Variants in TMEM65 observed in about 807,000 individuals in gnomAD.
TMEM65 encodes transmembrane protein 65.
In TMEM65, 22 loss-of-function variants were observed where a neutral mutation model predicts 25.4. That is an observed-to-expected ratio of 0.86 (90% CI 0.62 to 1.23). TMEM65 has a LOEUF of 1.23. Among genes scored for constraint, TMEM65 ranks in the 50% most tolerant of loss-of-function variants. TMEM65 has a pLI of 0.00. For synonymous variants in TMEM65, 132 were observed against 126.2 expected (o/e 1.05, Z -0.31); for missense variants, 262 against 308.2 (o/e 0.85, Z 1.12).
chr8:124,307,201 A>G lies in TMEM65; in HGVS notation c.*6759T>C, dbSNP rs1428125927. ...CTCCACATGGGCAGTTCATCTCTCC[A>G]GTAAATTGTGTATCGTAGTAAAAAG... On this transcript the variant is annotated 3_prime_UTR_variant, in exon 7 of 7. Coordinates refer to ENST00000297632, the MANE Select transcript of TMEM65 (RefSeq NM_194291.3). 3 of 152,176 alleles carry G rather than the reference A, an allele frequency of 2.0e-5. No individual in the cohort carries two copies. Among genetic ancestry groups the G allele is most frequent in the Non-Finnish European group, 4.4e-5 (3 of 68,046 alleles). 9.4% of individuals were successfully genotyped at this position (152,176 alleles called of 1,614,324 possible).
At chr8:124,342,717 T>A (rs993843341) in intron 1 of TMEM65, among the ~76,000 whole-genome samples, 6 of 152,134 alleles carry the variant, frequency 3.9e-5, no homozygotes, top group African/African-American at 1.4e-4. Context: ...ACAGAAGAGA[T>A]AAAATGATCC....
intron 4 of TMEM65, among the ~76,000 whole-genome samples, chr8:124,322,990 G>A (rs908881828): frequency 2.1e-5 from 3 of 144,092 alleles, no homozygotes; most frequent in Non-Finnish European, 3.0e-5. Context: ...GTGAGACCCC[G>A]TCTCTAAATA....
chr8:124,349,079 T>C (rs1171822979), intron 1 of TMEM65, among the ~76,000 whole-genome samples: 5 of 152,220 alleles, frequency 3.3e-5, no homozygotes, highest in Admixed American at 3.3e-4. Context: ...TTAAGTGACT[T>C]ACTCAAAGAC....
intron 1 of TMEM65, among the ~76,000 whole-genome samples, chr8:124,363,315 T>C (rs73333912): frequency 7.9e-5 from 12 of 152,320 alleles, no homozygotes; most frequent in African/African-American, 2.4e-5. Flanking sequence ...TAGTCCAAAA[T>C]TGTATAAGCC....
chr8:124,372,000 C>A lies in TMEM65; in HGVS notation c.158G>T (p.Arg53Leu). The A allele has an allele frequency of 1.5e-6, 2 of 1,346,768 alleles. No homozygotes were observed. The highest frequency in any genetic ancestry group is 1.9e-6 in the Non-Finnish European group (2 of 1,045,104). 83.4% of individuals were successfully genotyped at this position (1,346,768 alleles called of 1,614,324 possible). A position where few individuals can be genotyped will look rare whatever the true frequency, so the allele number is the denominator to read the frequency against. The change falls in exon 1 of 7, where the codon CGG (arginine) becomes CTG (leucine). Residue 53 changes from arginine (R) to leucine (L), a missense_variant. Transcript: ENST00000297632. ...CTCCTTCTTGGGGTGCGTGCCCAGCCGCCTGGGGCCGCCCGGCAAGCCGCC... is the reference window on the plus strand; with the variant it reads ...CTCCTTCTTGGGGTGCGTGCCCAGCAGCCTGGGGCCGCCCGGCAAGCCGCC... The part of the protein sequence containing the change: ...PPGGLPGGPR[R>L]LGTHPKKEPM...
rs188471078 is a variant in TMEM65, at chr8:124,328,753, C to A, written c.350-1332G>T. On this transcript the variant is annotated intron_variant, in intron 2 of 6. Transcript: ENST00000297632. ...TTGTACTACGTCCAAAAAAATAATCCCTTAAACCAACTGGTTATATGTGTC... is the reference window on the plus strand; with the variant it reads ...TTGTACTACGTCCAAAAAAATAATCACTTAAACCAACTGGTTATATGTGTC... 1.1e-4 allele frequency among the ~76,000 whole-genome samples: 17 copies of A among 152,120 alleles called. No homozygotes were observed. The East Asian group carries it at 3.3e-3, about 29-fold the overall frequency.
intron 4 of TMEM65, among the ~76,000 whole-genome samples, chr8:124,322,704 A>T (rs1261201670): frequency 1.3e-5 from 2 of 152,002 alleles, no homozygotes; most frequent in Non-Finnish European, 1.5e-5. Context: ...AATAAATAAA[A>T]AATAAATAAT....
chr8:124,351,514 T>C (rs188741012), intron 1 of TMEM65, among the ~76,000 whole-genome samples: 1 of 152,334 alleles, frequency 6.6e-6, no homozygotes, highest in Admixed American at 6.5e-5. Flanking sequence ...TTAACAGTGC[T>C]AGTCTTCTCA....
At chr8:124,357,603 A>G (rs1487804324) in intron 1 of TMEM65, among the ~76,000 whole-genome samples, 1 of 152,078 alleles carries the variant, frequency 6.6e-6, no homozygotes, top group Non-Finnish European at 1.5e-5. Flanking sequence ...TTTGTATTGA[A>G]TGGTGCATAT....
intron 1 of TMEM65, among the ~76,000 whole-genome samples, chr8:124,350,735 C>T (rs1416352271): frequency 6.6e-6 from 1 of 152,048 alleles, no homozygotes; most frequent in African/African-American, 2.4e-5. Flanking sequence ...TTTTTACCTA[C>T]TCATTTGTCC....
chr8:124,320,094 T>C lies in TMEM65; in HGVS notation c.613A>G (p.Thr205Ala). ...CCATGTAAATTACTTACCAAATGTGTACTAAGACGTGTTTGCCACATGTCA... is the reference window on the plus strand; with the variant it reads ...CCATGTAAATTACTTACCAAATGTGCACTAAGACGTGTTTGCCACATGTCA... The part of the protein sequence containing the change: ...QVDMWQTRLS[T>A]HLGKAVGVTI... The change falls in exon 6 of 7, where the codon ACA becomes GCA. Residue 205 changes from threonine to alanine, a missense_variant. Thr to Ala is a moderately conservative substitution (Grantham distance 58). Coordinates refer to ENST00000297632, the MANE Select transcript of TMEM65 (RefSeq NM_194291.3). 1 of 1,612,414 alleles carries C rather than the reference T, an allele frequency of 6.2e-7. No homozygotes were observed. The highest frequency in any genetic ancestry group is 8.5e-7 in the Non-Finnish European group (1 of 1,178,730).
chr8:124,370,278 A>G (rs1338576424), intron 1 of TMEM65, among the ~76,000 whole-genome samples: 2 of 152,204 alleles, frequency 1.3e-5, no homozygotes, highest in African/African-American at 4.8e-5. Context: ...GGGCCCTCCA[A>G]TCTTGTAACT....
chr8:124,358,431 T>G (rs975984511), intron 1 of TMEM65, among the ~76,000 whole-genome samples: 2 of 152,212 alleles, frequency 1.3e-5, no homozygotes, highest in Non-Finnish European at 2.9e-5. Context: ...CAAGCAGGTA[T>G]GTAAACAGGT....
chr8:124,308,606 A>T lies in TMEM65; in HGVS notation c.*5354T>A. 1 of 151,524 alleles carries T rather than the reference A, an allele frequency of 6.6e-6. No homozygotes were observed. Among genetic ancestry groups the T allele is most frequent in the Admixed American group, 6.6e-5 (1 of 15,222 alleles). 9.4% of individuals were successfully genotyped at this position (151,524 alleles called of 1,614,324 possible). Reference sequence around the variant, plus strand: ...AATTAAATAAATAAATAAATGGTGGAGGGTAGAAAGTTTCAAGATCTGAAT... The same window carrying T: ...AATTAAATAAATAAATAAATGGTGGTGGGTAGAAAGTTTCAAGATCTGAAT... On this transcript the variant is annotated 3_prime_UTR_variant, in exon 7 of 7. Transcript: ENST00000297632.
chr8:124,338,135 C>T (rs1172086287), intron 1 of TMEM65, among the ~76,000 whole-genome samples: 2 of 151,968 alleles, frequency 1.3e-5, no homozygotes, highest in Non-Finnish European at 2.9e-5. Context: ...ATACACAAAA[C>T]TGTATTCTGC....
intron 1 of TMEM65, among the ~76,000 whole-genome samples, chr8:124,331,462 A>C (rs562807625): frequency 1.1e-4 from 16 of 150,268 alleles, no homozygotes; most frequent in Non-Finnish European, 2.1e-4. Flanking sequence ...TATACACTGG[A>C]TAATAGGGTA....
At chr8:124,342,696 C>G (rs1343022315) in intron 1 of TMEM65, among the ~76,000 whole-genome samples, 1 of 152,066 alleles carries the variant, frequency 6.6e-6, no homozygotes, top group East Asian at 1.9e-4. Flanking sequence ...CTCTGCACTC[C>G]AAGACTCATC....
intron 1 of TMEM65, among the ~76,000 whole-genome samples, chr8:124,334,960 T>G (rs918297537): frequency 1.3e-5 from 2 of 151,662 alleles, no homozygotes; most frequent in African/African-American, 4.8e-5. Context: ...TGGCTAAATA[T>G]TAAAAGGGCT....
chr8:124,327,224 G>T, intron 3 of TMEM65, 130 bp downstream of exon 3: 1 of 649,328 alleles, frequency 1.5e-6, no homozygotes, highest in Non-Finnish European at 2.7e-6. Context: ...TATAGTCTGA[G>T]ATATAGTAAA....
Sources: allele counts gnomAD v4.1 joint callset (sites outside exome capture counted in the v4.1 genomes callset), GRCh38; gene constraint gnomAD v4.1.1; transcripts MANE v1.5; gene names NCBI Gene and HGNC (gene_info 2026-07-23, HGNC 2026-07-21).